NSUN2: variants seen among roughly 807,000 people sequenced by gnomAD.
The protein encoded by NSUN2 is NOP2/Sun RNA methyltransferase 2, also known as RNA cytosine C(5)-methyltransferase NSUN2.
In NSUN2, 63 loss-of-function variants were observed where a neutral mutation model predicts 92.7. That is an observed-to-expected ratio of 0.68 (90% CI 0.56 to 0.84). NSUN2 has a LOEUF of 0.84. Ranked by LOEUF, NSUN2 falls within the 40% of genes least tolerant of loss-of-function variation. The pLI is 0.00. For synonymous variants in NSUN2, 356 were observed against 348.3 expected, an observed-to-expected ratio of 1.02 and a Z score of -0.25; for missense variants, 989 against 964.9, an observed-to-expected ratio of 1.02 and a Z score of -0.33.
intron 17 of NSUN2, among the ~76,000 whole-genome samples, chr5:6,603,647 G>T (rs1303931016): frequency 1.3e-5 from 2 of 152,166 alleles, no homozygotes; most frequent in East Asian, 3.8e-4. Flanking sequence ...CCGAGATCGT[G>T]CCACTGTACT....
intron 2 of NSUN2, 129 bp from the exon 3 acceptor site, chr5:6,632,106 A>T (rs1579384823): frequency 1.4e-6 from 1 of 703,426 alleles, no homozygotes; most frequent in East Asian, 2.6e-5. Context: ...AACATTCTTT[A>T]GTCACTACTT....
rs1736963344 is a variant in NSUN2 at position 6,611,002 on chromosome 5, G to A, written c.1179C>T (p.Phe393=). ...SRHTQIRPTM[F]PPKDPEKLQA... Reference sequence around the variant, plus strand: ...GCAGCTTTTCTGGGTCCTTCGGAGGGAACATGGTAGGTCGGATCTGGGTGT... The same window carrying A: ...GCAGCTTTTCTGGGTCCTTCGGAGGAAACATGGTAGGTCGGATCTGGGTGT... The change falls in exon 11 of 19, where the codon TTC becomes TTT. Residue 393 remains phenylalanine, a synonymous_variant. Transcript: ENST00000264670. 6.2e-7 allele frequency: 1 copy of A among 1,614,176 alleles called. No homozygotes were observed. Among genetic ancestry groups the A allele is most frequent in the Non-Finnish European group, 8.5e-7 (1 of 1,180,040 alleles).
chr5:6,608,414 C>T (rs1028851669), intron 12 of NSUN2, among the ~76,000 whole-genome samples: 3 of 152,230 alleles, frequency 2.0e-5, no homozygotes, highest in Admixed American at 2.0e-4. Context: ...CTCAGCACCA[C>T]AACAGAACAC....
intron 3 of NSUN2, among the ~76,000 whole-genome samples, chr5:6,628,487 G>C (rs767788161): frequency 6.6e-6 from 1 of 152,186 alleles, no homozygotes; most frequent in Middle Eastern, 3.2e-3. Context: ...AGAAAAAAAT[G>C]AAACTGGCCC....
chr5:6,604,600 A>G lies in NSUN2; in HGVS notation c.1818+5T>C. 1 of 1,613,762 alleles carries G rather than the reference A, an allele frequency of 6.2e-7. No homozygotes were observed. ...ACTGCTGTTCAAATCCACTTCCAAA[A>G]TTACCTCCTGTGCCAGCCGGAAAGC... On this transcript the variant is annotated splice_donor_5th_base_variant and intron_variant, in intron 16 of 18. Transcript: ENST00000264670.
At chr5:6,609,042 G>A (rs1579359961) in intron 12 of NSUN2, among the ~76,000 whole-genome samples, 1 of 152,192 alleles carries the variant, frequency 6.6e-6, no homozygotes. Flanking sequence ...ACGTTAAACT[G>A]CACAAACCGT....
intron 3 of NSUN2, among the ~76,000 whole-genome samples, chr5:6,631,262 A>G (rs1260306107): frequency 2.0e-5 from 3 of 152,216 alleles, no homozygotes; most frequent in African/African-American, 7.2e-5. Context: ...AGATGCTATC[A>G]GCACAAGGGA....
At chr5:6,625,738 T>G in intron 3 of NSUN2, 69 bp from the exon 4 acceptor site, 1 of 1,112,566 alleles carries the variant, frequency 9.0e-7, no homozygotes, top group Non-Finnish European at 1.4e-6. Context: ...AACTTTGTGC[T>G]TCTATCAGTC....
intron 15 of NSUN2, 190 bp downstream of exon 15, chr5:6,605,083 T>C (rs1736709561): frequency 1.3e-6 from 1 of 754,856 alleles, no homozygotes; most frequent in Non-Finnish European, 2.2e-6. Context: ...GATTCAGGAC[T>C]CTGGCAGGAA....
At chr5:6,617,237 C>G (rs1208822186) in intron 8 of NSUN2, among the ~76,000 whole-genome samples, 1 of 152,110 alleles carries the variant, frequency 6.6e-6, no homozygotes, top group African/African-American at 2.4e-5. Context: ...ACTCTTGTCT[C>G]TGTGTCACAA....
At chr5:6,621,479 T>C (rs898534852) in intron 6 of NSUN2, 1 of 152,220 alleles carries the variant, frequency 6.6e-6, no homozygotes, top group Non-Finnish European at 1.5e-5. Context: ...CCGGGCGTGG[T>C]GGCTCACACC....
chr5:6,612,429 T>C (rs1200479994), intron 9 of NSUN2, among the ~76,000 whole-genome samples: 1 of 152,156 alleles, frequency 6.6e-6, no homozygotes, highest in African/African-American at 2.4e-5. Context: ...CAGCCCAGTT[T>C]TAAAAACAAT....
At chr5:6,613,830 C>T (rs1737097220) in intron 9 of NSUN2, among the ~76,000 whole-genome samples, 1 of 152,124 alleles carries the variant, frequency 6.6e-6, no homozygotes. Context: ...GGCATGGTGG[C>T]TCACACCTGT....
chr5:6,626,438 C>A (rs991948942), intron 3 of NSUN2, among the ~76,000 whole-genome samples: 3 of 151,510 alleles, frequency 2.0e-5, no homozygotes, highest in Admixed American at 6.6e-5. Context: ...GGTGTAATCT[C>A]AGCTCACTGT....
At chr5:6,614,623 C>T (rs1183257953) in intron 9 of NSUN2, among the ~76,000 whole-genome samples, 1 of 152,162 alleles carries the variant, frequency 6.6e-6, no homozygotes, top group African/African-American at 2.4e-5. Flanking sequence ...GACAACCCCT[C>T]ACGAAGCCAC....
At chr5:6,626,711 A>G (rs901199375) in intron 3 of NSUN2, among the ~76,000 whole-genome samples, 13 of 152,338 alleles carry the variant, frequency 8.5e-5, no homozygotes, top group African/African-American at 3.1e-4. Context: ...AAATGAGCAC[A>G]CTGATGTCAT....
chr5:6,607,756 C>T (rs971070706), intron 12 of NSUN2, among the ~76,000 whole-genome samples: 5 of 152,128 alleles, frequency 3.3e-5, no homozygotes, highest in African/African-American at 1.2e-4. Flanking sequence ...CTAAAATACC[C>T]GGCAGGGGCA....
chr5:6,625,739 T>C, intron 3 of NSUN2, 70 bp from the exon 4 acceptor site: 1 of 1,095,026 alleles, frequency 9.1e-7, no homozygotes, highest in South Asian at 1.3e-5. Flanking sequence ...ACTTTGTGCT[T>C]CTATCAGTCG....
chr5:6,628,671 T>G (rs1737751784), intron 3 of NSUN2, among the ~76,000 whole-genome samples: 1 of 152,230 alleles, frequency 6.6e-6, no homozygotes, highest in African/African-American at 2.4e-5. Flanking sequence ...CTGCTTTACT[T>G]GCTTGCTGAG....
Sources: gnomAD v4.1 joint callset for allele counts (sites outside exome capture counted in the v4.1 genomes callset) on GRCh38, gnomAD v4.1.1 for gene constraint, MANE v1.5 for transcripts, NCBI Gene and HGNC (gene_info 2026-07-23, HGNC 2026-07-21) for gene names.